WIF1: variants seen among roughly 807,000 people sequenced by gnomAD.
WIF1 encodes the protein Wnt inhibitory factor 1.
WIF1 carries 35 observed loss-of-function variants against 53.5 expected under a neutral mutation model. The observed-to-expected ratio is 0.65, with a 90% CI of 0.50 to 0.87. WIF1 has a LOEUF of 0.87. WIF1 is among the 40% of genes least tolerant of loss of function. The pLI is 0.00. For synonymous variants in WIF1, 171 were observed against 170.4 expected (o/e 1.00, Z -0.03); for missense variants, 467 against 476.8 (o/e 0.98, Z 0.19).
At chr12:65,062,447 C>T in intron 7 of WIF1, 34 bp downstream of exon 7, 1 of 1,574,684 alleles carries the variant, frequency 6.4e-7, no homozygotes, top group South Asian at 1.2e-5. Flanking sequence ...TAAGGTCTCC[C>T]CAAGTCAAAA....
In WIF1 at chr12:65,055,105, T is replaced by C. The variant is rs373108871; in HGVS notation, c.1018+13A>G. On this transcript the variant is annotated intron_variant, in intron 9 of 9. Coordinates refer to ENST00000286574, the MANE Select transcript of WIF1 (RefSeq NM_007191.5). The stretch of plus-strand genomic sequence containing the variant: ...TTTTTCCTTGTTTACAACTTTTTAT[T>C]TCTCCCACTCACTTTTATTGCAGTG... 122 of 1,610,456 alleles carry C rather than the reference T, an allele frequency of 7.6e-5. No individual in the cohort carries two copies. Among genetic ancestry groups the C allele is most frequent in the Non-Finnish European group, 9.7e-5 (114 of 1,179,104 alleles).
chr12:65,120,407 C>G lies in WIF1; in HGVS notation c.288+10G>C. On this transcript the variant is annotated intron_variant, in intron 2 of 9. Transcript: ENST00000286574. ...TGGAAATATTAAAGGGTAATTTTCT[C>G]AGAACTTACCTGCCCTGCAGCTTGC... 6.2e-7 allele frequency: 1 copy of G among 1,611,712 alleles called. No homozygotes were observed. The highest frequency in any genetic ancestry group is 1.1e-5 in the South Asian group (1 of 90,544).
intron 2 of WIF1, among the ~76,000 whole-genome samples, chr12:65,116,312 C>T (rs980526606): frequency 1.6e-4 from 24 of 152,236 alleles, no homozygotes; most frequent in Middle Eastern, 3.4e-3. Flanking sequence ...CTCGCATTAC[C>T]GCCTGAGCTC....
rs1304404942 is a variant in WIF1, at chr12:65,055,840, G to A, written c.922+191C>T. The stretch of plus-strand genomic sequence containing the variant: ...TTAAAACGTTCAGTTGCATGTGTGA[G>A]TATCCATTTTTTTACATGCACAGAT... On this transcript the variant is annotated intron_variant, in intron 8 of 9. Coordinates refer to ENST00000286574, the MANE Select transcript of WIF1 (RefSeq NM_007191.5). Among the ~76,000 whole-genome samples, 8 of 152,350 alleles carry A rather than the reference G, an allele frequency of 5.3e-5. No individual in the cohort carries two copies. The East Asian group carries it at 1.5e-3, about 29-fold the overall frequency.
intron 7 of WIF1, 30 bp from the exon 8 acceptor site, chr12:65,056,156 G>T: frequency 6.3e-7 from 1 of 1,593,350 alleles, no homozygotes; most frequent in South Asian, 1.1e-5. Flanking sequence ...AGCTAAACAA[G>T]GAACCTGGTG....
intron 3 of WIF1, among the ~76,000 whole-genome samples, chr12:65,074,595 A>G (rs1367611847): frequency 6.6e-6 from 1 of 152,058 alleles, no homozygotes; most frequent in Non-Finnish European, 1.5e-5. Context: ...AGGCAGGCAG[A>G]TCACTTGAGG....
chr12:65,103,537 T>G (rs1161077557), intron 2 of WIF1, among the ~76,000 whole-genome samples: 1 of 152,198 alleles, frequency 6.6e-6, no homozygotes, highest in Non-Finnish European at 1.5e-5. Flanking sequence ...GTTCAAACTT[T>G]GGGAATCAAA....
intron 7 of WIF1, among the ~76,000 whole-genome samples, chr12:65,061,077 G>A (rs1882604451): frequency 6.6e-6 from 1 of 152,126 alleles, no homozygotes; most frequent in Non-Finnish European, 1.5e-5. Context: ...GGAAAATTGA[G>A]GGGAGTTAGT....
At chr12:65,083,856 C>CTT in intron 2 of WIF1, 1 of 333,170 alleles carries the variant, frequency 3.0e-6, no homozygotes, top group Non-Finnish European at 5.8e-6. Context: ...CTTTTCTTTT[C>CTT]TTTTATTTGC....
chr12:65,055,999 G>T (rs776689927), intron 8 of WIF1, 32 bp downstream of exon 8: 3 of 1,593,158 alleles, frequency 1.9e-6, no homozygotes, highest in East Asian at 4.5e-5. Flanking sequence ...CGACCTAGTA[G>T]CCCAGATTGG....
At chr12:65,076,995 C>T (rs1882871184) in intron 3 of WIF1, among the ~76,000 whole-genome samples, 1 of 151,706 alleles carries the variant, frequency 6.6e-6, no homozygotes, top group Admixed American at 6.6e-5. Context: ...AGGATGATAA[C>T]ACAAGTGATC....
intron 7 of WIF1, among the ~76,000 whole-genome samples, chr12:65,060,874 G>T (rs1213919060): frequency 1.3e-5 from 2 of 152,090 alleles, no homozygotes; most frequent in African/African-American, 2.4e-5. Flanking sequence ...GGTCAATCAG[G>T]AGCTTTCAAA....
intron 2 of WIF1, among the ~76,000 whole-genome samples, chr12:65,081,039 ATGG>A (rs1397510905): frequency 2.0e-5 from 3 of 152,110 alleles, no homozygotes; most frequent in South Asian, 2.1e-4. Flanking sequence ...TGTAGAATTG[ATGG>A]TGATTTTTTT....
intron 2 of WIF1, among the ~76,000 whole-genome samples, chr12:65,095,577 A>C (rs1359316642): frequency 6.6e-6 from 1 of 152,146 alleles, no homozygotes; most frequent in Non-Finnish European, 1.5e-5. Context: ...TGTCTTGCAC[A>C]CAAAAAAAAG....
chr12:65,074,560 G>A (rs1882828985), intron 3 of WIF1, among the ~76,000 whole-genome samples: 1 of 152,014 alleles, frequency 6.6e-6, no homozygotes, highest in African/African-American at 2.4e-5. Context: ...GCTCATGCCT[G>A]TAATCCCAAC....
intron 2 of WIF1, among the ~76,000 whole-genome samples, chr12:65,089,718 C>G (rs529665240): frequency 6.6e-6 from 1 of 152,182 alleles, no homozygotes; most frequent in Non-Finnish European, 1.5e-5. Context: ...GCCCACCAAG[C>G]AGACTTTGAC....
Position 65,118,873 on chromosome 12 carries a change from A to G in WIF1, c.288+1544T>C, listed in dbSNP as rs536287417. 2.4e-3 allele frequency among the ~76,000 whole-genome samples: 281 copies of G among 119,312 alleles called. 1 individual carries two copies. The highest frequency in any genetic ancestry group is 0.011 in the African/African-American group (270 of 24,126). 78.3% of individuals were successfully genotyped at this position (119,312 alleles called of 152,430 possible). A position where few individuals can be genotyped will look rare whatever the true frequency, so the allele number is the denominator to read the frequency against. ...AGAGATAGAGAGAGGAGGGAGGGAG[A>G]GGGGGAGAGAGAGAGAGTGCGCACG... On this transcript the variant is annotated intron_variant, in intron 2 of 9. Coordinates refer to ENST00000286574, the MANE Select transcript of WIF1 (RefSeq NM_007191.5).
intron 2 of WIF1, among the ~76,000 whole-genome samples, chr12:65,117,254 A>AC (rs1288856053): frequency 6.6e-6 from 1 of 152,110 alleles, no homozygotes; most frequent in African/African-American, 2.4e-5. Flanking sequence ...AAAAGTCTAT[A>AC]CCCTGCCTTT....
intron 2 of WIF1, among the ~76,000 whole-genome samples, chr12:65,100,457 T>C (rs1883265973): frequency 6.6e-6 from 1 of 152,162 alleles, no homozygotes; most frequent in Non-Finnish European, 1.5e-5. Flanking sequence ...TTGGAGGATT[T>C]TTTAAAAGCG....
Sources: allele counts gnomAD v4.1 joint callset (sites outside exome capture counted in the v4.1 genomes callset), GRCh38; gene constraint gnomAD v4.1.1; transcripts MANE v1.5; gene names NCBI Gene and HGNC (gene_info 2026-07-23, HGNC 2026-07-21).